The following BTBD9 variants were observed in gnomAD, a reference collection of about 807,000 sequenced individuals.
BTBD9 encodes BTB domain containing 9.
BTBD9 carries 49 observed loss-of-function variants against 64.3 expected under a neutral mutation model. That is an observed-to-expected ratio of 0.76 (90% CI 0.61 to 0.97). The LOEUF (loss-of-function observed/expected upper bound fraction) is 0.97. BTBD9 is among the 50% of genes least tolerant of loss of function. The pLI is 0.00. For synonymous variants in BTBD9, 260 were observed against 274.7 expected, an observed-to-expected ratio of 0.95 and a Z score of 0.53; for missense variants, 598 against 762.1, an observed-to-expected ratio of 0.78 and a Z score of 2.53.
At chr6:38,260,650 T>A (rs1259323330) in intron 8 of BTBD9, among the ~76,000 whole-genome samples, 1 of 152,240 alleles carries the variant, frequency 6.6e-6, no homozygotes, top group Non-Finnish European at 1.5e-5. Flanking sequence ...TGTAAGTAGC[T>A]TATTCTATAA....
chr6:38,502,355 A>T (rs1009956492), intron 6 of BTBD9, among the ~76,000 whole-genome samples: 1 of 152,194 alleles, frequency 6.6e-6, no homozygotes, highest in African/African-American at 2.4e-5. Context: ...TATTCTCTTC[A>T]TTTTGGTATA....
chr6:38,452,461 T>C (rs1769601216), intron 6 of BTBD9, among the ~76,000 whole-genome samples: 2 of 152,074 alleles, frequency 1.3e-5, no homozygotes, highest in Non-Finnish European at 2.9e-5. Flanking sequence ...GTGATGATGT[T>C]CAGGATGGAT....
chr6:38,264,675 G>A (rs541539641), intron 8 of BTBD9, among the ~76,000 whole-genome samples: 51 of 152,346 alleles, frequency 3.3e-4, no homozygotes, highest in Non-Finnish European at 5.6e-4. Flanking sequence ...GCTGTCACAG[G>A]GTTCGATGAC....
At chr6:38,336,598 C>T (rs757535460) in intron 7 of BTBD9, among the ~76,000 whole-genome samples, 4 of 152,132 alleles carry the variant, frequency 2.6e-5, no homozygotes, top group African/African-American at 4.8e-5. Context: ...TACCTCCCAC[C>T]GGGTCCCTCC....
chr6:38,494,526 G>C (rs1771858954), intron 6 of BTBD9, among the ~76,000 whole-genome samples: 2 of 152,212 alleles, frequency 1.3e-5, no homozygotes, highest in African/African-American at 4.8e-5. Flanking sequence ...CCAAACTCCA[G>C]AGTAAGATTA....
At chr6:38,265,357 T>A (rs1412369325) in intron 8 of BTBD9, among the ~76,000 whole-genome samples, 1 of 152,114 alleles carries the variant, frequency 6.6e-6, no homozygotes, top group African/African-American at 2.4e-5. Context: ...AAAGCCCACA[T>A]ACCATGAGAA....
At chr6:38,377,027 T>A (rs1392091397) in intron 6 of BTBD9, among the ~76,000 whole-genome samples, 1 of 152,214 alleles carries the variant, frequency 6.6e-6, no homozygotes, top group Non-Finnish European at 1.5e-5. Context: ...TCTAAACCAA[T>A]TGTTTTAGTT....
At chr6:38,307,560 G>A (rs529030274) in intron 7 of BTBD9, among the ~76,000 whole-genome samples, 1 of 152,306 alleles carries the variant, frequency 6.6e-6, no homozygotes, top group Admixed American at 6.5e-5. Context: ...GCCCATGGGT[G>A]GAAAACAGGC....
intron 9 of BTBD9, among the ~76,000 whole-genome samples, chr6:38,195,073 T>G (rs1024929717): frequency 1.3e-5 from 2 of 152,172 alleles, no homozygotes; most frequent in African/African-American, 4.8e-5. Context: ...GTAAGGGAAG[T>G]TGGTTAGGAC....
At chr6:38,356,282 T>G (rs183528473) in intron 6 of BTBD9, among the ~76,000 whole-genome samples, 1 of 152,308 alleles carries the variant, frequency 6.6e-6, no homozygotes, top group East Asian at 1.9e-4. Flanking sequence ...TTTTCTTGAA[T>G]TACTGTTATT....
chr6:38,250,534 T>C (rs2127531022), intron 9 of BTBD9, among the ~76,000 whole-genome samples: 1 of 152,364 alleles, frequency 6.6e-6, no homozygotes, highest in South Asian at 2.1e-4. Context: ...AATGTTTATA[T>C]GATCATTATA....
chr6:38,581,703 T>G (rs1197397376), intron 4 of BTBD9, among the ~76,000 whole-genome samples: 1 of 152,216 alleles, frequency 6.6e-6, no homozygotes, highest in Non-Finnish European at 1.5e-5. Flanking sequence ...TTTAGCCAGG[T>G]GCATCACTTT....
chr6:38,446,751 A>G (rs1186551964), intron 6 of BTBD9, among the ~76,000 whole-genome samples: 1 of 152,224 alleles, frequency 6.6e-6, no homozygotes, highest in Non-Finnish European at 1.5e-5. Context: ...TAAGGCTTAA[A>G]CAAGTAGCTT....
chr6:38,522,465 C>T (rs921592308), intron 6 of BTBD9, among the ~76,000 whole-genome samples: 1 of 152,218 alleles, frequency 6.6e-6, no homozygotes, highest in African/African-American at 2.4e-5. Context: ...TCTGCAGCCT[C>T]TGACATCACT....
chr6:38,381,323 C>T (rs1765924982), intron 6 of BTBD9, among the ~76,000 whole-genome samples: 1 of 151,204 alleles, frequency 6.6e-6, no homozygotes, highest in Admixed American at 6.6e-5. Context: ...ACAATAATGT[C>T]AGAAAAAACA....
At position 38,435,065 on chromosome 6, in the gene BTBD9, A is replaced by G. The variant is rs538004803; in HGVS notation, c.1155-89972T>C. On this transcript the variant is annotated intron_variant, in intron 6 of 10. Coordinates refer to ENST00000481247, the MANE Select transcript of BTBD9 (RefSeq NM_001099272.2). ...CAAAATTAGCCAGGCATGGTGGCACATGCCTGTAATCCCAGCTACTCGGGA... is the reference window on the plus strand; with the variant it reads ...CAAAATTAGCCAGGCATGGTGGCACGTGCCTGTAATCCCAGCTACTCGGGA... Among the ~76,000 whole-genome samples, 19 of 151,808 alleles carry G rather than the reference A, an allele frequency of 1.3e-4. 1 individual carries two copies. Among genetic ancestry groups the G allele is most frequent in the African/African-American group, 4.6e-4 (19 of 41,188 alleles).
At position 38,580,247 on chromosome 6, in the gene BTBD9, T is replaced by C. The variant is rs974992194; in HGVS notation, c.1005A>G (p.Ile335Met). The C allele has an allele frequency of 1.2e-6, 2 of 1,614,080 alleles. No homozygotes were observed. The highest frequency in any genetic ancestry group is 1.7e-5 in the Admixed American group (1 of 60,000). ...KLGQPSIINH[I>M]RILLWDRDSR... The stretch of plus-strand genomic sequence containing the variant: ...TATCTCGGTCCCACAAGAGTATCCG[T>C]ATGTGATTGATAATGGATGGCTGAC... Residue 335 changes from isoleucine to methionine, a missense_variant, in exon 5 of 11, where the codon ATA becomes ATG. By Grantham distance (10) the Ile-to-Met change is conservative. Coordinates refer to ENST00000481247, the MANE Select transcript of BTBD9 (RefSeq NM_001099272.2).
At chr6:38,220,488 T>C (rs965583059) in intron 9 of BTBD9, among the ~76,000 whole-genome samples, 7 of 152,236 alleles carry the variant, frequency 4.6e-5, no homozygotes, top group African/African-American at 1.7e-4. Flanking sequence ...AAAATATACA[T>C]TTGTACTGGC....
intron 6 of BTBD9, among the ~76,000 whole-genome samples, chr6:38,559,781 A>G (rs1257975007): frequency 6.6e-6 from 1 of 152,178 alleles, no homozygotes; most frequent in East Asian, 1.9e-4. Context: ...CCACACACCA[A>G]CAACCATCTG....
Sources: allele counts gnomAD v4.1 joint callset (sites outside exome capture counted in the v4.1 genomes callset), GRCh38; gene constraint gnomAD v4.1.1; transcripts MANE v1.5; gene names NCBI Gene and HGNC (gene_info 2026-07-23, HGNC 2026-07-21).